Variants in MMP26 observed in about 807,000 individuals in gnomAD.
MMP26 encodes the protein matrix metalloproteinase-26.
MMP26 carries 33 observed loss-of-function variants against 31.0 expected under a neutral mutation model. The ratio of observed to expected loss-of-function variants is 1.06; its 90% CI spans 0.81 to 1.42. The LOEUF (loss-of-function observed/expected upper bound fraction) is 1.42, where lower values mean the gene tolerates loss of function less well. Among genes scored for constraint, MMP26 ranks in the 40% most tolerant of loss-of-function variants. The probability of loss-of-function intolerance (pLI) is 0.00; values close to 1 mark genes in which losing one functional copy is unlikely to be tolerated. For missense variants in MMP26, 347 were observed against 316.1 expected (o/e 1.10, Z -0.74); for synonymous variants, 122 against 114.9 (o/e 1.06, Z -0.40).
In MMP26 at chr11:4,821,719, A is replaced by G. The variant is rs778587066; in HGVS notation, c.-145+54378A>G. ...CCGAGAAATCAACCTAAATGCCTGC[A>G]TTGCCCAGATGTTCTTTCTACACGG... On this transcript the variant is annotated intron_variant, in intron 2 of 7. Coordinates refer to ENST00000380390, the MANE Select transcript of MMP26 (RefSeq NM_021801.5). The G allele has an allele frequency of 6.2e-6, 10 of 1,613,940 alleles. No individual in the cohort carries two copies. In the East Asian group the frequency reaches 1.3e-4, roughly 22 times the overall value.
At chr11:4,719,435 A>G (rs4498989) in intron 1 of MMP26, 28,692 of 153,598 alleles carry the variant, frequency 0.19, 3,354 homozygotes, top group Non-Finnish European at 0.25. Flanking sequence ...CCCTATGTGC[A>G]TACTTTGATT....
intron 1 of MMP26, among the ~76,000 whole-genome samples, chr11:4,706,204 G>A (rs1013983821): frequency 6.6e-6 from 1 of 152,126 alleles, no homozygotes; most frequent in Admixed American, 6.5e-5. Context: ...ATATAGCCAA[G>A]TACTTAATCT....
chr11:4,845,905 T>A (rs1849860376), intron 2 of MMP26, among the ~76,000 whole-genome samples: 1 of 152,180 alleles, frequency 6.6e-6, no homozygotes, highest in South Asian at 2.1e-4. Context: ...CTCATCTCAC[T>A]CCAGTTAAAA....
intron 2 of MMP26, among the ~76,000 whole-genome samples, chr11:4,961,686 G>A (rs11034913): frequency 0.32 from 48,568 of 152,024 alleles, 8,964 homozygotes; most frequent in Non-Finnish European, 0.41. Context: ...TCAGAATTTG[G>A]CTTTCATAAT....
intron 2 of MMP26, chr11:4,832,163 G>A (rs1849655161): frequency 6.3e-6 from 1 of 159,668 alleles, no homozygotes; most frequent in Non-Finnish European, 1.4e-5. Flanking sequence ...AGAAGTTGAA[G>A]TCTCCACATT....
At chr11:4,882,335 A>T in intron 2 of MMP26, 1 of 1,613,806 alleles carries the variant, frequency 6.2e-7, no homozygotes, top group Non-Finnish European at 8.5e-7. Context: ...GGTCCTGGTG[A>T]TAGGGCTGGT....
In MMP26 at chr11:4,763,698, T is replaced by C. The variant is rs1022620130; in HGVS notation, c.-216-3572T>C. Among the ~76,000 whole-genome samples, 59 of 152,202 alleles carry C rather than the reference T, an allele frequency of 3.9e-4. 1 individual carries two copies. The highest frequency in any genetic ancestry group is 1.4e-3 in the African/African-American group (58 of 41,444). ...AAATAAATGCATAATTATGTGGAAC[T>C]TAGTTTTGGCTAATGGGTTTCTTTT... On this transcript the variant is annotated intron_variant, in intron 1 of 7. Coordinates refer to ENST00000380390, the MANE Select transcript of MMP26 (RefSeq NM_021801.5).
intron 2 of MMP26, chr11:4,890,432 G>A (rs1850602266): frequency 6.1e-6 from 1 of 162,830 alleles, no homozygotes; most frequent in African/African-American, 2.4e-5. Flanking sequence ...CATGGAGTGA[G>A]GGCTCAGTCC....
intron 1 of MMP26, among the ~76,000 whole-genome samples, chr11:4,731,507 G>A (rs1003142970): frequency 1.3e-5 from 2 of 152,164 alleles, no homozygotes; most frequent in Non-Finnish European, 2.9e-5. Flanking sequence ...GCACTGATCT[G>A]TCTGTACCCT....
chr11:4,983,595 T>A (rs1457419756), intron 2 of MMP26, among the ~76,000 whole-genome samples: 3 of 152,146 alleles, frequency 2.0e-5, no homozygotes, highest in Non-Finnish European at 4.4e-5. Flanking sequence ...ACCCAGCAGA[T>A]CAAATACTAT....
At chr11:4,713,870 G>A (rs529318469) in intron 1 of MMP26, among the ~76,000 whole-genome samples, 1 of 152,084 alleles carries the variant, frequency 6.6e-6, no homozygotes, top group East Asian at 1.9e-4. Flanking sequence ...TAAGATCAAA[G>A]ACCTGTAACA....
chr11:4,984,806 C>G (rs1162015231), intron 2 of MMP26, among the ~76,000 whole-genome samples: 1 of 152,112 alleles, frequency 6.6e-6, no homozygotes, highest in African/African-American at 2.4e-5. Context: ...AACAGAATTT[C>G]AAGAATACAT....
At chr11:4,907,770 C>T in intron 2 of MMP26, 1 of 1,614,080 alleles carries the variant, frequency 6.2e-7, no homozygotes, top group Non-Finnish European at 8.5e-7. Context: ...AGATACAGTT[C>T]TATCCTCACT....
chr11:4,854,637 C>A (rs1850023073), intron 2 of MMP26, among the ~76,000 whole-genome samples: 1 of 152,208 alleles, frequency 6.6e-6, no homozygotes, highest in African/African-American at 2.4e-5. Flanking sequence ...CCTCTGGGGG[C>A]AGGTCATAGC....
At chr11:4,931,415 A>C (rs185846131) in intron 2 of MMP26, among the ~76,000 whole-genome samples, 1 of 152,184 alleles carries the variant, frequency 6.6e-6, no homozygotes, top group African/African-American at 2.4e-5. Flanking sequence ...ATGGCTGGAG[A>C]GTAAGCAGAA....
At chr11:4,827,122 A>G (rs758703331) in intron 2 of MMP26, among the ~76,000 whole-genome samples, 1 of 152,154 alleles carries the variant, frequency 6.6e-6, no homozygotes, top group Non-Finnish European at 1.5e-5. Context: ...CCAGCCAATG[A>G]CTAAATGAGT....
intron 2 of MMP26, among the ~76,000 whole-genome samples, chr11:4,838,926 C>T (rs376952105): frequency 1.2e-4 from 18 of 152,142 alleles, no homozygotes; most frequent in Non-Finnish European, 1.8e-4. Flanking sequence ...TCGCCGATGC[C>T]GCGCTGCCCC....
Position 4,992,349 on chromosome 11 carries a change from A to G in MMP26, c.*107A>G, listed in dbSNP as rs1444308429. On this transcript the variant is annotated 3_prime_UTR_variant, in exon 8 of 8. Coordinates refer to ENST00000380390, the MANE Select transcript of MMP26 (RefSeq NM_021801.5). ...TTGGGGACTGCTAGGATGAAGCCCT[A>G]AAGAATGCAACCTAGTCAGGTTAGC... is the stretch of plus-strand genomic sequence containing the variant. The G allele has an allele frequency of 1.2e-5, 13 of 1,082,424 alleles. No homozygotes were observed. Among genetic ancestry groups the G allele is most frequent in the Non-Finnish European group, 1.7e-5 (13 of 746,534 alleles). The allele number at this position is 1,082,424 out of a possible 1,614,324, so 67.1% of individuals were successfully genotyped here.
intron 2 of MMP26, chr11:4,877,360 C>A (rs374401586): frequency 6.6e-6 from 1 of 152,428 alleles, no homozygotes; most frequent in East Asian, 1.9e-4. Context: ...CTATGGGAAG[C>A]ATTTGTCACC....
Sources: allele counts gnomAD v4.1 joint callset (sites outside exome capture counted in the v4.1 genomes callset), GRCh38; gene constraint gnomAD v4.1.1; transcripts MANE v1.5; gene names NCBI Gene and HGNC (gene_info 2026-07-23, HGNC 2026-07-21).